Variants in FGF13 observed in about 807,000 individuals in gnomAD.
FGF13 encodes the protein fibroblast growth factor homologous factor 2.
FGF13 carries 2 observed loss-of-function variants against 19.5 expected under a neutral mutation model. That is an observed-to-expected ratio of 0.10 (90% CI 0.04 to 0.32). The LOEUF (loss-of-function observed/expected upper bound fraction) is 0.32, where lower values mean the gene tolerates loss of function less well. Ranked by LOEUF, FGF13 falls within the 10% of genes least tolerant of loss-of-function variation. The pLI, the probability that FGF13 is intolerant of heterozygous loss-of-function variation, is 1.00. For missense variants in FGF13, 113 were observed against 192.7 expected (o/e 0.59, Z 2.45); for synonymous variants, 72 against 76.9 (o/e 0.94, Z 0.33).
intron 1 of FGF13, among the ~76,000 whole-genome samples, chrX:139,167,310 T>C (rs1268880646): frequency 9.0e-6 from 1 of 111,535 alleles, no homozygotes; most frequent in African/African-American, 3.3e-5. Context: ...TAAATGATTA[T>C]GGGAAAATGA....
chrX:138,912,304 C>T (rs996551001), intron 1 of FGF13, among the ~76,000 whole-genome samples: 6 of 110,661 alleles, frequency 5.4e-5, no homozygotes, highest in Admixed American at 9.6e-5. Flanking sequence ...CGTTTTCTGT[C>T]GGCATTCAGC....
At chrX:139,147,858 C>G (rs769083667) in intron 1 of FGF13, among the ~76,000 whole-genome samples, 3 of 107,145 alleles carry the variant, frequency 2.8e-5, no homozygotes, top group African/African-American at 1.1e-4. Flanking sequence ...AAAAGTAACT[C>G]TGGGTTTTTT....
chrX:139,187,731 C>T (rs1316476344), intron 1 of FGF13, among the ~76,000 whole-genome samples: 1 of 112,163 alleles, frequency 8.9e-6, no homozygotes, highest in Non-Finnish European at 1.9e-5. Context: ...TCATGCATTT[C>T]TTCCTACCAG....
At chrX:138,928,703 A>C (rs2091685962) in intron 1 of FGF13, among the ~76,000 whole-genome samples, 1 of 111,583 alleles carries the variant, frequency 9.0e-6, no homozygotes, top group Non-Finnish European at 1.9e-5. Context: ...GAAAATGCTC[A>C]CTCCAGTCCC....
At chrX:138,961,647 A>G (rs1232564510) in intron 1 of FGF13, among the ~76,000 whole-genome samples, 1 of 112,049 alleles carries the variant, frequency 8.9e-6, no homozygotes, top group Non-Finnish European at 1.9e-5. Flanking sequence ...AAACAGAGAT[A>G]TAGACCAATG....
chrX:139,139,813 T>C (rs770379293), intron 1 of FGF13, among the ~76,000 whole-genome samples: 1 of 111,728 alleles, frequency 9.0e-6, no homozygotes, highest in Non-Finnish European at 1.9e-5. Flanking sequence ...AAGGGAAGTC[T>C]AGGTACTGAG....
Position 138,711,185 on chromosome X carries a change from C to T in FGF13, c.-182G>A. 1 of 1,060,285 alleles carries T rather than the reference C, an allele frequency of 9.4e-7. No homozygotes were observed. Among genetic ancestry groups the T allele is most frequent in the Middle Eastern group, 3.8e-4 (1 of 2,634 alleles). 87.4% of individuals were successfully genotyped at this position (1,060,285 alleles called of 1,213,427 possible). On this transcript the variant is annotated 5_prime_UTR_variant, in exon 1 of 5. Coordinates refer to ENST00000315930, the MANE Select transcript of FGF13 (RefSeq NM_004114.5). The stretch of plus-strand genomic sequence containing the variant: ...CAAGGAGGGGGCTCAGCATGCCGTC[C>T]GAGCTCCTCCGGCGGCGGTCCGGCT...
At chrX:139,076,000 G>A (rs1385539501) in intron 1 of FGF13, among the ~76,000 whole-genome samples, 2 of 102,618 alleles carry the variant, frequency 1.9e-5, no homozygotes, top group Non-Finnish European at 4.0e-5. Flanking sequence ...CCGCCACCGC[G>A]CCCGGCTAAT....
intron 1 of FGF13, among the ~76,000 whole-genome samples, chrX:139,112,749 G>A (rs1489888579): frequency 8.9e-6 from 1 of 112,043 alleles, no homozygotes; most frequent in African/African-American, 3.2e-5. Flanking sequence ...GTGACACAAT[G>A]TATACACAGT....
chrX:138,795,903 G>T (rs1441894756), intron 3 of FGF13, among the ~76,000 whole-genome samples: 4 of 111,454 alleles, frequency 3.6e-5, no homozygotes, highest in Non-Finnish European at 5.7e-5. Flanking sequence ...TGATCACTGA[G>T]GTTGGTGAAG....
chrX:139,075,206 T>C (rs912156167), intron 1 of FGF13, among the ~76,000 whole-genome samples: 7 of 111,499 alleles, frequency 6.3e-5, no homozygotes, highest in African/African-American at 2.3e-4. Flanking sequence ...CCCGCCCTAT[T>C]CTCTCCCATT....
rs749405588 is a variant in FGF13 at position 139,144,693 on chromosome X, T to C, written c.-113+58723A>G. Among the ~76,000 whole-genome samples, 13 of 111,326 alleles carry C rather than the reference T, an allele frequency of 1.2e-4. No homozygotes were observed. The East Asian group carries it at 3.4e-3, about 29-fold the overall frequency. ...AAGAAATTCCACAAATGTTAGCATG[T>C]TACCAAAGCCTCTAGAGCAACGATC... On this transcript the variant is annotated intron_variant, in intron 1 of 2. Coordinates refer to the FGF13 transcript ENST00000421460.
intron 3 of FGF13, among the ~76,000 whole-genome samples, chrX:138,790,867 G>T (rs2124372681): frequency 8.9e-6 from 1 of 112,209 alleles, no homozygotes; most frequent in Non-Finnish European, 1.9e-5. Flanking sequence ...CTAAGTCATT[G>T]TTATCTATAT....
At chrX:139,106,057 C>T (rs2083557962) in intron 1 of FGF13, among the ~76,000 whole-genome samples, 1 of 112,183 alleles carries the variant, frequency 8.9e-6, no homozygotes, top group Non-Finnish European at 1.9e-5. Context: ...GATAGAGTGA[C>T]ACTGCATGGG....
chrX:138,791,080 T>C (rs1236231476), intron 3 of FGF13, among the ~76,000 whole-genome samples: 4 of 112,329 alleles, frequency 3.6e-5, no homozygotes, highest in African/African-American at 9.7e-5. Context: ...CAGATAAAAA[T>C]TTAACAAAAA....
At chrX:138,928,215 T>G (rs181633643) in intron 1 of FGF13, among the ~76,000 whole-genome samples, 1,378 of 110,806 alleles carry the variant, frequency 0.012, 25 homozygotes, top group African/African-American at 0.041. Context: ...CTTTGTAATA[T>G]GCCAAATTTG....
chrX:138,680,052 A>C (rs1017777165), intron 3 of FGF13, among the ~76,000 whole-genome samples: 1 of 112,423 alleles, frequency 8.9e-6, no homozygotes, highest in African/African-American at 3.2e-5. Context: ...CCATCCTAAG[A>C]AATTCTTTGC....
chrX:138,856,670 A>C (rs924917333), downstream of FGF13, among the ~76,000 whole-genome samples: 1 of 112,359 alleles, frequency 8.9e-6, no homozygotes, highest in Non-Finnish European at 1.9e-5. Context: ...GGGCTGTTTA[A>C]CAAGTATTAG....
rs193149754 is a variant in FGF13 at position 138,961,077 on chromosome X, G to T, written c.-112-96427C>A. On this transcript the variant is annotated intron_variant, in intron 1 of 2. Coordinates refer to the FGF13 transcript ENST00000421460. ...GCTGGTGAGGAGCTGCAATCCTTTG[G>T]ATGAGAAGAGGTGCTCGGTTTTTAG... Among the ~76,000 whole-genome samples the T allele has an allele frequency of 3.4e-4, 38 of 111,090 alleles. 1 individual carries two copies. Among genetic ancestry groups the T allele is most frequent in the Admixed American group, 2.8e-3 (29 of 10,468 alleles).
Sources: gnomAD v4.1 joint callset for allele counts (sites outside exome capture counted in the v4.1 genomes callset) on GRCh38, gnomAD v4.1.1 for gene constraint, MANE v1.5 for transcripts, NCBI Gene and HGNC (gene_info 2026-07-23, HGNC 2026-07-21) for gene names.